Variants in XKR4 observed in about 807,000 individuals in gnomAD.
XKR4 encodes the protein XK related 4, also known as XK-related protein 4.
A neutral mutation model predicts 53.9 loss-of-function variants in XKR4; 12 were observed. The ratio of observed to expected loss-of-function variants is 0.22; its 90% confidence interval spans 0.14 to 0.36. XKR4 has a LOEUF of 0.36. XKR4 is among the 10% of genes least tolerant of loss of function. XKR4 has a pLI of 1.00. For synonymous variants in XKR4, 354 were observed against 362.4 expected (o/e 0.98, Z 0.26); for missense variants, 799 against 859.5 (o/e 0.93, Z 0.88).
chr8:55,106,575 C>G (rs1816152980), intron 1 of XKR4, among the ~76,000 whole-genome samples: 1 of 152,132 alleles, frequency 6.6e-6, no homozygotes, highest in Non-Finnish European at 1.5e-5. Flanking sequence ...CAGTGGGAAT[C>G]ACAAATTCCC....
chr8:55,209,400 G>A (rs1479553995), intron 1 of XKR4, among the ~76,000 whole-genome samples: 1 of 152,168 alleles, frequency 6.6e-6, no homozygotes, highest in Non-Finnish European at 1.5e-5. Context: ...ACCCTAGCTA[G>A]TGATGGGTCT....
rs182677577 is a variant in XKR4 at position 55,162,900 on chromosome 8, C to T, written c.806+59606C>T. Among the ~76,000 whole-genome samples the T allele has an allele frequency of 3.7e-3, 563 of 152,034 alleles. 2 individuals carry two copies. Among genetic ancestry groups the T allele is most frequent in the Non-Finnish European group, 5.7e-3 (389 of 67,984 alleles). ...ACAGAATATCTGAATAGTATGTATC[C>T]CTGAACATATATATGGGGCATAATT... On this transcript the variant is annotated intron_variant, in intron 1 of 2. Transcript: ENST00000327381.
At chr8:55,469,970 A>C (rs1260503022) in intron 2 of XKR4, among the ~76,000 whole-genome samples, 1 of 152,140 alleles carries the variant, frequency 6.6e-6, no homozygotes, top group African/African-American at 2.4e-5. Context: ...GCAGTCTTGG[A>C]GAAGGAATTA....
In XKR4 at chr8:55,532,333, C is replaced by T. The variant is rs1300804082; in HGVS notation, c.*8106C>T. 1 of 151,970 alleles carries T rather than the reference C, an allele frequency of 6.6e-6. No homozygotes were observed. Among genetic ancestry groups the T allele is most frequent in the African/African-American group, 2.4e-5 (1 of 41,374 alleles). The allele number at this position is 151,970 out of a possible 1,614,324, so 9.4% of individuals were successfully genotyped here. A position where few individuals can be genotyped will look rare whatever the true frequency, so the allele number is the denominator to read the frequency against. ...AGTCATTGGACCAGACAAAATGAAG[C>T]ATATAATTACTGATATAATATTTGC... is the stretch of plus-strand genomic sequence containing the variant. On this transcript the variant is annotated 3_prime_UTR_variant, in exon 3 of 3. Transcript: ENST00000327381.
At chr8:55,449,591 C>A (rs531704313) in intron 2 of XKR4, 2 of 1,264,592 alleles carry the variant, frequency 1.6e-6, no homozygotes, top group Non-Finnish European at 2.3e-6. Flanking sequence ...GTCGTAAACG[C>A]GAGGAGTTGT....
At chr8:55,174,892 G>A (rs547298332) in intron 1 of XKR4, among the ~76,000 whole-genome samples, 2 of 152,244 alleles carry the variant, frequency 1.3e-5, no homozygotes, top group Non-Finnish European at 2.9e-5. Flanking sequence ...CCATATCATG[G>A]CCTGTTTGTC....
In XKR4 at chr8:55,525,646, T is replaced by C. The variant is rs1001162101; in HGVS notation, c.*1419T>C. Reference sequence around the variant, plus strand: ...TGTCCTCGGTCATGGTGCTTTTCGTTGCATTAAAAGTGCCGGTCAAACTTT... The same window carrying C: ...TGTCCTCGGTCATGGTGCTTTTCGTCGCATTAAAAGTGCCGGTCAAACTTT... On this transcript the variant is annotated 3_prime_UTR_variant, in exon 3 of 3. Coordinates refer to ENST00000327381, the MANE Select transcript of XKR4 (RefSeq NM_052898.2). 6.6e-6 allele frequency: 1 copy of C among 152,642 alleles called. No homozygotes were observed. The highest frequency in any genetic ancestry group is 6.5e-5 in the Admixed American group (1 of 15,282). 9.5% of individuals were successfully genotyped at this position (152,642 alleles called of 1,614,324 possible).
chr8:55,443,835 G>A (rs1479295955), intron 2 of XKR4, among the ~76,000 whole-genome samples: 13 of 80,014 alleles, frequency 1.6e-4, no homozygotes, highest in South Asian at 4.6e-4. Flanking sequence ...GTAAAACTCC[G>A]TCTCAAAAAA....
At chr8:55,239,071 A>G (rs1276840108) in intron 1 of XKR4, among the ~76,000 whole-genome samples, 1 of 152,194 alleles carries the variant, frequency 6.6e-6, no homozygotes, top group African/African-American at 2.4e-5. Context: ...TTATTTTTTC[A>G]TATTAACCCA....
chr8:55,162,912 T>C (rs1817005955), intron 1 of XKR4, among the ~76,000 whole-genome samples: 1 of 152,210 alleles, frequency 6.6e-6, no homozygotes, highest in African/African-American at 2.4e-5. Flanking sequence ...TGAACATATA[T>C]ATGGGGCATA....
chr8:55,258,453 C>T (rs1268705530), intron 1 of XKR4, among the ~76,000 whole-genome samples: 1 of 152,178 alleles, frequency 6.6e-6, no homozygotes, highest in East Asian at 1.9e-4. Context: ...GGCTGTAAAA[C>T]AGGCTGATTG....
intron 2 of XKR4, among the ~76,000 whole-genome samples, chr8:55,462,793 A>G (rs1647030545): frequency 6.6e-6 from 1 of 152,218 alleles, no homozygotes; most frequent in Non-Finnish European, 1.5e-5. Flanking sequence ...TACCAAGTAA[A>G]TGGAAAACAA....
At chr8:55,131,025 G>C (rs1816546412) in intron 1 of XKR4, among the ~76,000 whole-genome samples, 1 of 152,064 alleles carries the variant, frequency 6.6e-6, no homozygotes, top group Non-Finnish European at 1.5e-5. Context: ...CAGGCATGAT[G>C]GTGCACGCCG....
chr8:55,510,671 C>T (rs1806612354), intron 2 of XKR4, among the ~76,000 whole-genome samples: 1 of 152,142 alleles, frequency 6.6e-6, no homozygotes, highest in South Asian at 2.1e-4. Context: ...AGCTGCTGCT[C>T]CGGAAAAAGA....
At chr8:55,170,216 A>G (rs1817139012) in intron 1 of XKR4, among the ~76,000 whole-genome samples, 1 of 152,184 alleles carries the variant, frequency 6.6e-6, no homozygotes, top group South Asian at 2.1e-4. Context: ...TCGTATCCTA[A>G]TGCCTGGAAC....
intron 1 of XKR4, among the ~76,000 whole-genome samples, chr8:55,252,636 T>C (rs1818377151): frequency 6.6e-6 from 1 of 152,236 alleles, no homozygotes; most frequent in African/African-American, 2.4e-5. Flanking sequence ...GGTTTTGCTT[T>C]GACAGAACTG....
intron 2 of XKR4, among the ~76,000 whole-genome samples, chr8:55,508,718 CA>C (rs1806580973): frequency 1.3e-5 from 2 of 152,186 alleles, no homozygotes; most frequent in South Asian, 4.1e-4. Flanking sequence ...TAGTCTGGGG[CA>C]ACCCAAGGTG....
At chr8:55,262,276 G>A (rs1036411435) in intron 1 of XKR4, among the ~76,000 whole-genome samples, 6 of 152,190 alleles carry the variant, frequency 3.9e-5, no homozygotes, top group East Asian at 3.8e-4. Context: ...CGTAACAAAC[G>A]TGTGAGGGAG....
chr8:55,346,690 T>TGTGTGTGC (rs1313301966), intron 1 of XKR4, among the ~76,000 whole-genome samples: 2 of 133,630 alleles, frequency 1.5e-5, no homozygotes, highest in Non-Finnish European at 3.2e-5. Flanking sequence ...AGGTTATGTG[T>TGTGTGTGC]GTGTGTGTGT....
Sources: allele counts gnomAD v4.1 joint callset (sites outside exome capture counted in the v4.1 genomes callset), GRCh38; gene constraint gnomAD v4.1.1; transcripts MANE v1.5; gene names NCBI Gene and HGNC (gene_info 2026-07-23, HGNC 2026-07-21).